Variants in NAALADL2 observed in about 807,000 individuals in gnomAD.
NAALADL2 encodes inactive N-acetylated-alpha-linked acidic dipeptidase-like protein 2.
A neutral mutation model predicts 87.2 loss-of-function variants in NAALADL2; 76 were observed. The ratio of observed to expected loss-of-function variants is 0.87; its 90% CI spans 0.72 to 1.05. The LOEUF (loss-of-function observed/expected upper bound fraction) is 1.05, where lower values mean the gene tolerates loss of function less well. Ranked by LOEUF, NAALADL2 falls within the 50% of genes least tolerant of loss-of-function variation. The pLI is 0.00. For missense variants in NAALADL2, 1,089 were observed against 945.8 expected (o/e 1.15, Z -1.99); for synonymous variants, 354 against 331.0 (o/e 1.07, Z -0.75).
chr3:174,534,764 C>T (rs1721573624), intron 1 of NAALADL2, among the ~76,000 whole-genome samples: 1 of 152,040 alleles, frequency 6.6e-6, no homozygotes, highest in South Asian at 2.1e-4. Flanking sequence ...GTCACCCTCT[C>T]CAGAGTTGCT....
chr3:174,524,447 C>T (rs1376660652), intron 1 of NAALADL2, among the ~76,000 whole-genome samples: 3 of 152,116 alleles, frequency 2.0e-5, no homozygotes, highest in African/African-American at 7.2e-5. Flanking sequence ...TAGCCACAGA[C>T]AAGGCAGGAA....
At chr3:175,685,449 GGTGTGT>G (rs59449046) in intron 11 of NAALADL2, among the ~76,000 whole-genome samples, 10,415 of 144,610 alleles carry the variant, frequency 0.072, 429 homozygotes, top group South Asian at 0.16. Context: ...ACCAACAGGA[GGTGTGT>G]GTGTGTGTGT....
intron 1 of NAALADL2, among the ~76,000 whole-genome samples, chr3:174,867,695 A>G (rs1039074193): frequency 3.3e-5 from 5 of 152,138 alleles, no homozygotes; most frequent in African/African-American, 1.2e-4. Context: ...ATAAAGTAGC[A>G]GCATTTAACA....
intron 5 of NAALADL2, among the ~76,000 whole-genome samples, chr3:175,395,949 A>C (rs1769723668): frequency 6.6e-6 from 1 of 152,174 alleles, no homozygotes; most frequent in South Asian, 2.1e-4. Flanking sequence ...CATATTACCA[A>C]GCATTGGAAC....
intron 2 of NAALADL2, among the ~76,000 whole-genome samples, chr3:174,589,958 A>T (rs962454793): frequency 3.3e-5 from 5 of 151,818 alleles, no homozygotes; most frequent in African/African-American, 1.2e-4. Context: ...ATATCTTTAC[A>T]TATTAATTAT....
chr3:174,542,839 G>A (rs546793115), intron 1 of NAALADL2, among the ~76,000 whole-genome samples: 1 of 152,280 alleles, frequency 6.6e-6, no homozygotes, highest in East Asian at 1.9e-4. Context: ...ATCCTGTTGG[G>A]ACTGGGAAAG....
At chr3:174,870,937 C>T (rs1289827664) in intron 1 of NAALADL2, among the ~76,000 whole-genome samples, 1 of 152,218 alleles carries the variant, frequency 6.6e-6, no homozygotes, top group East Asian at 1.9e-4. Flanking sequence ...TTTGGTGCAT[C>T]TTGATTCCTC....
At chr3:174,828,173 A>G (rs1722211413) in intron 3 of NAALADL2, among the ~76,000 whole-genome samples, 1 of 150,902 alleles carries the variant, frequency 6.6e-6, no homozygotes, top group South Asian at 2.1e-4. Flanking sequence ...ACCACACACA[A>G]CACAACACAA....
Position 175,028,877 on chromosome 3 carries a change from T to C in NAALADL2, c.44-67913T>C, listed in dbSNP as rs190460969. Among the ~76,000 whole-genome samples the C allele has an allele frequency of 1.8e-3, 272 of 151,888 alleles. 1 individual carries two copies. The highest frequency in any genetic ancestry group is 0.01 in the Middle Eastern group (3 of 290). On this transcript the variant is annotated intron_variant, in intron 1 of 13. Coordinates refer to ENST00000454872, the MANE Select transcript of NAALADL2 (RefSeq NM_207015.3). ...TGAGTCTTAAATGAGTCTCACTTCG[T>C]AGTGTTTCTTTGTACTTAATTTCAA... is the stretch of plus-strand genomic sequence containing the variant.
intron 2 of NAALADL2, among the ~76,000 whole-genome samples, chr3:174,730,398 T>A (rs755783702): frequency 1.3e-5 from 2 of 152,114 alleles, no homozygotes; most frequent in Admixed American, 6.6e-5. Context: ...GCTAAATTCA[T>A]GGGGTAACAT....
At chr3:175,637,417 C>T (rs1049438719) in intron 11 of NAALADL2, among the ~76,000 whole-genome samples, 1 of 152,192 alleles carries the variant, frequency 6.6e-6, no homozygotes, top group Admixed American at 6.5e-5. Flanking sequence ...TGTTTGACTC[C>T]TACAAACCTC....
intron 4 of NAALADL2, among the ~76,000 whole-genome samples, chr3:175,260,806 G>A (rs1750896680): frequency 6.6e-6 from 1 of 152,098 alleles, no homozygotes; most frequent in African/African-American, 2.4e-5. Flanking sequence ...GCATAATTAT[G>A]ATATTAAATT....
At chr3:175,680,797 A>T (rs193128298) in intron 11 of NAALADL2, among the ~76,000 whole-genome samples, 1 of 152,286 alleles carries the variant, frequency 6.6e-6, no homozygotes, top group African/African-American at 2.4e-5. Context: ...GTGACATACA[A>T]GTATCAGTGA....
chr3:175,280,188 G>A lies in NAALADL2; in HGVS notation c.939+23658G>A, dbSNP rs73881458. On this transcript the variant is annotated intron_variant, in intron 4 of 13. Coordinates refer to ENST00000454872, the MANE Select transcript of NAALADL2 (RefSeq NM_207015.3). ...TTTCTTCTTGCCATTCCACTAGCTA[G>A]CCAAGTTTCTATTCTTTCTAGTTCT... is the stretch of plus-strand genomic sequence containing the variant. Among the ~76,000 whole-genome samples the A allele has an allele frequency of 3.6e-3, 546 of 152,050 alleles. 4 individuals are homozygous for A. The highest frequency in any genetic ancestry group is 0.012 in the African/African-American group (502 of 41,508).
At chr3:174,758,852 C>T (rs532285616) in intron 3 of NAALADL2, among the ~76,000 whole-genome samples, 2 of 152,180 alleles carry the variant, frequency 1.3e-5, no homozygotes, top group African/African-American at 4.8e-5. Context: ...CTGCTGCATC[C>T]CTAGTTTAAA....
chr3:175,700,901 G>T (rs1357499457), intron 11 of NAALADL2, among the ~76,000 whole-genome samples: 1 of 152,074 alleles, frequency 6.6e-6, no homozygotes, highest in Non-Finnish European at 1.5e-5. Flanking sequence ...AGGCAAAAGG[G>T]AGCATTAGAG....
intron 3 of NAALADL2, among the ~76,000 whole-genome samples, chr3:174,776,967 CA>C (rs1715291171): frequency 6.6e-6 from 1 of 152,072 alleles, no homozygotes; most frequent in South Asian, 2.1e-4. Flanking sequence ...TCAATGGCAA[CA>C]GCATTGGGAA....
At chr3:174,817,775 C>A (rs1474895437) in intron 3 of NAALADL2, among the ~76,000 whole-genome samples, 1 of 152,112 alleles carries the variant, frequency 6.6e-6, no homozygotes, top group East Asian at 1.9e-4. Flanking sequence ...TACTTTGTAG[C>A]TTCTTATAAA....
intron 1 of NAALADL2, among the ~76,000 whole-genome samples, chr3:174,538,119 C>A (rs1470085750): frequency 6.6e-6 from 1 of 152,114 alleles, no homozygotes; most frequent in African/African-American, 2.4e-5. Context: ...CTATTTATAA[C>A]TATATACTCT....
Sources: allele counts gnomAD v4.1 joint callset (sites outside exome capture counted in the v4.1 genomes callset), GRCh38; gene constraint gnomAD v4.1.1; transcripts MANE v1.5; gene names NCBI Gene and HGNC (gene_info 2026-07-23, HGNC 2026-07-21).